DMD: variants seen among roughly 807,000 people sequenced by gnomAD.
DMD encodes the protein mutant dystrophin.
Under a neutral mutation model 330.1 loss-of-function variants are expected in DMD, and 63 were observed. The ratio of observed to expected loss-of-function variants is 0.19; its 90% CI spans 0.16 to 0.24. The LOEUF is 0.24. Ranked by LOEUF, DMD falls within the 10% of genes least tolerant of loss-of-function variation. The pLI is 1.00. For missense variants in DMD, 3,344 were observed against 2,684.1 expected, an observed-to-expected ratio of 1.25 and a Z score of -5.43; for synonymous variants, 1,223 against 959.8, an observed-to-expected ratio of 1.27 and a Z score of -5.07.
intron 2 of DMD, among the ~76,000 whole-genome samples, chrX:32,913,231 T>C (rs1300540612): frequency 8.9e-6 from 1 of 111,843 alleles, no homozygotes; most frequent in Non-Finnish European, 1.9e-5. Context: ...TGTCAGTCAC[T>C]TTGCAACTTT....
chrX:32,543,617 G>C (rs1360638014), intron 17 of DMD, among the ~76,000 whole-genome samples: 1 of 111,966 alleles, frequency 8.9e-6, no homozygotes, highest in African/African-American at 3.2e-5. Context: ...ATCTTACTAG[G>C]AATAATAAAA....
At chrX:32,446,481 A>G (rs2098305413) in intron 27 of DMD, among the ~76,000 whole-genome samples, 1 of 110,467 alleles carries the variant, frequency 9.1e-6, no homozygotes, top group Non-Finnish European at 1.9e-5. Flanking sequence ...GGCAAAATAA[A>G]GGCATTTTCA....
intron 7 of DMD, among the ~76,000 whole-genome samples, chrX:32,730,928 C>G (rs2067523902): frequency 9.0e-6 from 1 of 111,709 alleles, no homozygotes. Context: ...CGAATAGGAA[C>G]AGCTCCGGTC....
chrX:33,190,896 AT>A lies in DMD; in HGVS notation c.31+20385del, dbSNP rs1348024880. 2.3e-3 allele frequency among the ~76,000 whole-genome samples: 14 copies of A among 6,152 alleles called. 1 individual carries two copies. In the East Asian group the frequency reaches 0.064, roughly 28 times the overall value. 5.3% of individuals were successfully genotyped at this position (6,152 alleles called of 115,157 possible). On this transcript the variant is annotated intron_variant, in intron 1 of 78. Coordinates refer to ENST00000357033, the MANE Select transcript of DMD (RefSeq NM_004006.3). ...ATATATATAATATATAATATTATAT[AT>A]TATATAATATATAATATTATATATA...
chrX:31,875,058 A>G (rs2093947355), intron 48 of DMD, 130 bp downstream of exon 48: 1 of 608,459 alleles, frequency 1.6e-6, no homozygotes, highest in African/African-American at 2.3e-5. Context: ...GTTATCCTGA[A>G]TAAAGTCTTC....
At chrX:32,770,645 C>T (rs2073502511) in intron 7 of DMD, among the ~76,000 whole-genome samples, 1 of 111,671 alleles carries the variant, frequency 9.0e-6, no homozygotes, top group African/African-American at 3.3e-5. Context: ...AGAGGGAATA[C>T]AGATTCTATT....
At chrX:32,303,962 A>G (rs974895331) in intron 42 of DMD, among the ~76,000 whole-genome samples, 2 of 111,320 alleles carry the variant, frequency 1.8e-5, no homozygotes, top group Non-Finnish European at 3.8e-5. Context: ...AAAAAGTTAA[A>G]AAGTTATTTT....
chrX:32,596,914 T>C (rs765585060), intron 12 of DMD, among the ~76,000 whole-genome samples: 16 of 111,247 alleles, frequency 1.4e-4, no homozygotes, highest in Admixed American at 1.9e-4. Flanking sequence ...CAGATGTCAG[T>C]CCGATTTATA....
intron 21 of DMD, 118 bp downstream of exon 21, chrX:32,484,801 T>G: frequency 1.3e-6 from 1 of 755,310 alleles, no homozygotes; most frequent in Non-Finnish European, 2.0e-6. Context: ...TAATACAGGT[T>G]GTAGGGAGAA....
intron 15 of DMD, among the ~76,000 whole-genome samples, chrX:32,572,365 T>C (rs2052519226): frequency 9.0e-6 from 1 of 111,625 alleles, no homozygotes; most frequent in Non-Finnish European, 1.9e-5. Context: ...GGTGAAATTA[T>C]GGAACACTAC....
Position 33,037,404 on chromosome X carries a change from T to C in DMD, c.32-17204A>G, listed in dbSNP as rs772140581. On this transcript the variant is annotated intron_variant, in intron 1 of 78. Transcript: ENST00000357033. ...CCTGATGTCATTTCTAGTACTTAAT[T>C]GGTATTTATCTGCCATAAACACATG... 2.6e-4 allele frequency among the ~76,000 whole-genome samples: 29 copies of C among 111,227 alleles called. No individual in the cohort carries two copies. In the East Asian group the frequency reaches 6.2e-3, roughly 24 times the overall value.
At chrX:32,550,823 T>C (rs1256877840) in intron 16 of DMD, among the ~76,000 whole-genome samples, 1 of 110,352 alleles carries the variant, frequency 9.1e-6, no homozygotes, top group Non-Finnish European at 1.9e-5. Flanking sequence ...CCCACAGAAA[T>C]AGAGAAAACC....
At chrX:32,899,668 C>T (rs1285835603) in intron 2 of DMD, among the ~76,000 whole-genome samples, 8 of 88,519 alleles carry the variant, frequency 9.0e-5, no homozygotes, top group Non-Finnish European at 1.5e-4. Context: ...AGCAAGACTC[C>T]GTCTCAAAAA....
intron 76 of DMD, among the ~76,000 whole-genome samples, chrX:31,140,203 G>A (rs919000900): frequency 2.7e-5 from 3 of 112,757 alleles, no homozygotes; most frequent in African/African-American, 9.7e-5. Context: ...TTCAAACGCT[G>A]ATAATGGTTC....
At chrX:31,943,083 C>G (rs1177872876) in intron 45 of DMD, among the ~76,000 whole-genome samples, 2 of 112,527 alleles carry the variant, frequency 1.8e-5, no homozygotes, top group Non-Finnish European at 3.8e-5. Context: ...CAGAGCTACA[C>G]TCATTCATTT....
At chrX:32,493,647 A>C (rs748808829) in intron 19 of DMD, among the ~76,000 whole-genome samples, 24 of 112,166 alleles carry the variant, frequency 2.1e-4, no homozygotes, top group African/African-American at 7.4e-4. Context: ...GTAAGAGAAG[A>C]ATATGAAACT....
chrX:31,187,960 T>C (rs1435692589), intron 67 of DMD, among the ~76,000 whole-genome samples: 1 of 111,925 alleles, frequency 8.9e-6, no homozygotes, highest in African/African-American at 3.2e-5. Flanking sequence ...ATGGAAGAAT[T>C]TCCTGATGCT....
intron 44 of DMD, among the ~76,000 whole-genome samples, chrX:32,129,718 A>AGG (rs1446468771): frequency 1.8e-4 from 9 of 49,975 alleles, no homozygotes; most frequent in African/African-American, 5.4e-4. Flanking sequence ...AGAGAGAGAG[A>AGG]GAGAGGGAGG....
intron 44 of DMD, among the ~76,000 whole-genome samples, chrX:32,161,457 G>A (rs2096849102): frequency 9.0e-6 from 1 of 111,575 alleles, no homozygotes; most frequent in Non-Finnish European, 1.9e-5. Flanking sequence ...ATACAAGACC[G>A]TGGGTTTCTT....
Sources: allele counts gnomAD v4.1 joint callset (sites outside exome capture counted in the v4.1 genomes callset), GRCh38; gene constraint gnomAD v4.1.1; transcripts MANE v1.5; gene names NCBI Gene and HGNC (gene_info 2026-07-23, HGNC 2026-07-21).